LONP1: variants seen among roughly 807,000 people sequenced by gnomAD.
LONP1 encodes the protein lon protease homolog, mitochondrial.
In LONP1, 31 loss-of-function variants were observed where a neutral mutation model predicts 98.5. That is an observed-to-expected ratio of 0.31 (90% CI 0.24 to 0.42). The LOEUF is 0.42. Among genes scored for constraint, LONP1 ranks in the 20% least tolerant of loss-of-function variants. The pLI, the probability that LONP1 is intolerant of heterozygous loss-of-function variation, is 1.00. For missense variants in LONP1, 1,336 were observed against 1,350.6 expected (o/e 0.99, Z 0.17); for synonymous variants, 781 against 594.7 (o/e 1.31, Z -4.56).
Position 5,696,851 on chromosome 19 carries a change from C to A in LONP1, c.1686-94G>T, listed in dbSNP as rs181015701. 187 of 775,628 alleles carry A rather than the reference C, an allele frequency of 2.4e-4. 1 individual carries two copies. In the African/African-American group the frequency reaches 3.0e-3, roughly 12 times the overall value. 48.0% of individuals were successfully genotyped at this position (775,628 alleles called of 1,614,324 possible). On this transcript the variant is annotated intron_variant, in intron 10 of 17. Transcript: ENST00000360614. ...TCCAGGGCCACAGGGGAGAGGCCAC[C>A]TGGAGCCCCACAAGATGTGGCCATG...
At chr19:5,702,243 G>C (rs2055063938) in intron 8 of LONP1, among the ~76,000 whole-genome samples, 1 of 103,378 alleles carries the variant, frequency 9.7e-6, no homozygotes, top group East Asian at 2.2e-4. Context: ...CCCCGTCTGG[G>C]AGGGAGGTTG....
chr19:5,707,794 T>C lies in LONP1; in HGVS notation c.965A>G (p.Gln322Arg). The part of the protein sequence containing the change: ...ESVLQMMQAG[Q>R]RVVDNPIYLS... ...GTAGATGGGGTTGTCCACCACCCGC[T>C]GGCCAGCCTGCATCATCTGCAGCAC... The change falls in exon 6 of 18, where the codon CAG becomes CGG. Residue 322 changes from glutamine (Q) to arginine (R), a missense_variant. Coordinates refer to ENST00000360614, the MANE Select transcript of LONP1 (RefSeq NM_004793.4). 11 of 1,613,092 alleles carry C rather than the reference T, an allele frequency of 6.8e-6. No homozygotes were observed. The highest frequency in any genetic ancestry group is 7.6e-6 in the Non-Finnish European group (9 of 1,179,896).
At position 5,696,765 on chromosome 19, in the gene LONP1, T is replaced by C; in HGVS notation, c.1686-8A>G. ...GCGCCCACGTAGGTCCGCCTGTGGG[T>C]GCACAGCGGGGTCAGAGGTCACTTG... is the stretch of plus-strand genomic sequence containing the variant. On this transcript the variant is annotated splice_polypyrimidine_tract_variant and splice_region_variant and intron_variant, in intron 10 of 17. Transcript: ENST00000360614. 1 of 1,601,924 alleles carries C rather than the reference T, an allele frequency of 6.2e-7. No homozygotes were observed.
Position 5,696,060 on chromosome 19 carries a change from A to G in LONP1, c.2007T>C (p.Ile669=). 1 of 1,612,174 alleles carries G rather than the reference A, an allele frequency of 6.2e-7. No individual in the cohort carries two copies. The highest frequency in any genetic ancestry group is 8.5e-7 in the Non-Finnish European group (1 of 1,179,702). Residue 669 remains isoleucine, a synonymous_variant, in exon 13 of 18, where the codon ATT becomes ATC. Transcript: ENST00000360614. ...SGYVAQEKLA[I]AERYLVPQAR... ...GGGGAGGGGCTGGGCTTACCTCCGC[A>G]ATGGCCAGCTTCTCCTGGGCCACGT...
chr19:5,705,140 C>T (rs1293656124), intron 8 of LONP1, among the ~76,000 whole-genome samples: 4 of 148,268 alleles, frequency 2.7e-5, no homozygotes, highest in Non-Finnish European at 5.9e-5. Flanking sequence ...CCAGCCTGGA[C>T]AACAGAGCAA....
intron 1 of LONP1, 82 bp from the exon 2 acceptor site, chr19:5,714,353 AAT>A (rs1161383337): frequency 1.0e-5 from 10 of 964,756 alleles, no homozygotes; most frequent in East Asian, 7.2e-5. Context: ...CCCTGGCTGG[AAT>A]GTAATGGCGT....
In LONP1 at chr19:5,694,916, G is replaced by A. The variant is rs200031305; in HGVS notation, c.2014-15C>T. 9.4e-5 allele frequency: 149 copies of A among 1,587,632 alleles called. 1 individual carries two copies. Among genetic ancestry groups the A allele is most frequent in the East Asian group, 7.9e-4 (35 of 44,088 alleles). Reference sequence around the variant, plus strand: ...ACCAGGTAGCGCTGCAAGGGCAACCGTCAGGGTTGGGTCTGGAGGGACCTT... The same window carrying A: ...ACCAGGTAGCGCTGCAAGGGCAACCATCAGGGTTGGGTCTGGAGGGACCTT... On this transcript the variant is annotated splice_polypyrimidine_tract_variant and intron_variant, in intron 13 of 17. Transcript: ENST00000360614.
At chr19:5,693,064 C>G (rs567540489) in intron 17 of LONP1, among the ~76,000 whole-genome samples, 2 of 152,198 alleles carry the variant, frequency 1.3e-5, no homozygotes, top group East Asian at 1.9e-4. Flanking sequence ...GAGCCACCCC[C>G]CCAATCCTAC....
At chr19:5,692,708 G>C (rs531163086) in intron 17 of LONP1, among the ~76,000 whole-genome samples, 2 of 152,138 alleles carry the variant, frequency 1.3e-5, no homozygotes, top group Non-Finnish European at 2.9e-5. Context: ...CTGACTCCAT[G>C]GACAGTGAGC....
intron 7 of LONP1, 127 bp from the exon 8 acceptor site, chr19:5,706,119 C>A (rs144195684): frequency 3.0e-6 from 2 of 656,558 alleles, no homozygotes; most frequent in Non-Finnish European, 5.3e-6. Flanking sequence ...ACCCAGAGCA[C>A]GAAGCCTTTG....
At chr19:5,720,331 T>C (rs1012902205), upstream of LONP1, 3 of 792,176 alleles carry the variant, frequency 3.8e-6, no homozygotes, top group African/African-American at 1.8e-5. Context: ...TCCCACTTTA[T>C]GCGCTGAAGG....
intron 1 of LONP1, among the ~76,000 whole-genome samples, chr19:5,718,987 C>T (rs2055374803): frequency 6.6e-6 from 1 of 152,182 alleles, no homozygotes; most frequent in African/African-American, 2.4e-5. Context: ...TACTATTTCT[C>T]GTAATTATTG....
intron 3 of LONP1, among the ~76,000 whole-genome samples, chr19:5,712,754 TG>T (rs2055257593): frequency 6.6e-6 from 1 of 151,900 alleles, no homozygotes; most frequent in East Asian, 1.9e-4. Flanking sequence ...CTCAGCCTCT[TG>T]CGTAGCTGTG....
intron 4 of LONP1, 103 bp from the exon 5 acceptor site, chr19:5,708,506 A>AGTATGGGGCAGGGT (rs1322435701): frequency 2.4e-4 from 212 of 887,538 alleles, no homozygotes; most frequent in South Asian, 3.9e-4. Context: ...AGCTCCATCA[A>AGTATGGGGCAGGGT]CTCCCTCCCC....
At chr19:5,692,699 T>C (rs891577681) in intron 17 of LONP1, among the ~76,000 whole-genome samples, 1 of 152,180 alleles carries the variant, frequency 6.6e-6, no homozygotes, top group Non-Finnish European at 1.5e-5. Context: ...CACCGCACAC[T>C]GACTCCATGG....
chr19:5,704,921 G>T (rs558840471), intron 8 of LONP1, among the ~76,000 whole-genome samples: 65 of 152,252 alleles, frequency 4.3e-4, no homozygotes, highest in African/African-American at 1.5e-3. Context: ...AGCACTTTGG[G>T]AGGGCAAGGT....
chr19:5,693,218 G>C, intron 17 of LONP1, 80 bp downstream of exon 17: 1 of 1,507,126 alleles, frequency 6.6e-7, no homozygotes. Flanking sequence ...CCCAGGCAGA[G>C]GTTGCATGGC....
chr19:5,696,079 G>A lies in LONP1; in HGVS notation c.1988C>T (p.Ala663Val). 1 of 1,612,856 alleles carries A rather than the reference G, an allele frequency of 6.2e-7. No individual in the cohort carries two copies. Among genetic ancestry groups the A allele is most frequent in the Non-Finnish European group, 8.5e-7 (1 of 1,179,892 alleles). The stretch of plus-strand genomic sequence containing the variant: ...CTCCGCAATGGCCAGCTTCTCCTGG[G>A]CCACGTAGCCCGACACGTTGATCAT... ...MEMINVSGYV[A>V]QEKLAIAERY... The change falls in exon 13 of 18, where the codon GCC becomes GTC. Residue 663 changes from alanine to valine, a missense_variant. This residue lies in a region of LONP1 where 555 missense variants were observed against 542.6 expected (regional missense o/e 1.02). Transcript: ENST00000360614.
intron 8 of LONP1, among the ~76,000 whole-genome samples, chr19:5,702,749 G>A (rs1255230067): frequency 6.6e-6 from 1 of 151,784 alleles, no homozygotes; most frequent in Non-Finnish European, 1.5e-5. Context: ...AACATGTGCT[G>A]TGTCCACTCA....
Sources: gnomAD v4.1 joint callset for allele counts (sites outside exome capture counted in the v4.1 genomes callset) on GRCh38, gnomAD v4.1.1 for gene constraint, gnomAD v4.1.1 regional missense constraint, MANE v1.5 for transcripts, NCBI Gene and HGNC (gene_info 2026-07-23, HGNC 2026-07-21) for gene names.